Variants in THSD7B observed in about 807,000 individuals in gnomAD.
THSD7B encodes thrombospondin type-1 domain-containing protein 7B.
Under a neutral mutation model 213.6 loss-of-function variants are expected in THSD7B, and 138 were observed. The ratio of observed to expected loss-of-function variants is 0.65; its 90% CI spans 0.56 to 0.74. The LOEUF (loss-of-function observed/expected upper bound fraction) is 0.74, where lower values mean the gene tolerates loss of function less well. Among genes scored for constraint, THSD7B ranks in the 30% least tolerant of loss-of-function variants. The pLI is 0.00. For synonymous variants in THSD7B, 742 were observed against 687.0 expected (o/e 1.08, Z -1.25); for missense variants, 1,931 against 1,991.5 (o/e 0.97, Z 0.58).
intron 2 of THSD7B, among the ~76,000 whole-genome samples, chr2:136,946,580 G>A (rs1207989904): frequency 1.3e-5 from 2 of 152,222 alleles, no homozygotes; most frequent in Admixed American, 6.5e-5. Context: ...GCTATGCCCT[G>A]CCGCAAGAGG....
chr2:136,945,874 A>G (rs1573726335), intron 2 of THSD7B, among the ~76,000 whole-genome samples: 1 of 152,098 alleles, frequency 6.6e-6, no homozygotes, highest in Middle Eastern at 3.4e-3. Flanking sequence ...CATTTGTCTA[A>G]TCTTTTTAGT....
At chr2:137,650,278 C>T (rs569054927) in intron 21 of THSD7B, among the ~76,000 whole-genome samples, 1 of 152,108 alleles carries the variant, frequency 6.6e-6, no homozygotes, top group South Asian at 2.1e-4. Context: ...TATGCTTTTC[C>T]TTGTATAGCT....
At chr2:137,429,024 G>T (rs1687117478) in intron 14 of THSD7B, among the ~76,000 whole-genome samples, 1 of 152,152 alleles carries the variant, frequency 6.6e-6, no homozygotes, top group African/African-American at 2.4e-5. Flanking sequence ...ATTGATCTTG[G>T]ATTTCCCAGT....
At chr2:136,977,805 T>TTTTGTTTTG (rs1372514831) in intron 2 of THSD7B, among the ~76,000 whole-genome samples, 5 of 49,738 alleles carry the variant, frequency 1.0e-4, no homozygotes, top group South Asian at 1.1e-3. Flanking sequence ...TTCTTTGTTT[T>TTTTGTTTTG]TTTTTTTTTT....
At chr2:137,171,805 C>T (rs539203512) in intron 7 of THSD7B, among the ~76,000 whole-genome samples, 1 of 152,088 alleles carries the variant, frequency 6.6e-6, no homozygotes, top group South Asian at 2.1e-4. Flanking sequence ...CTTTTCATTC[C>T]TTTTTTTCTC....
intron 14 of THSD7B, among the ~76,000 whole-genome samples, chr2:137,422,575 A>G (rs1262222248): frequency 6.6e-6 from 1 of 152,132 alleles, no homozygotes; most frequent in Non-Finnish European, 1.5e-5. Context: ...TACTTTTAAA[A>G]AAATCAATGG....
chr2:137,232,819 C>G, intron 8 of THSD7B, 80 bp from the exon 9 acceptor site: 2 of 1,341,330 alleles, frequency 1.5e-6, no homozygotes, highest in Non-Finnish European at 2.1e-6. Flanking sequence ...AGCTGTCTCT[C>G]TAGACCATTA....
chr2:137,144,230 C>G (rs1366399676), intron 5 of THSD7B, among the ~76,000 whole-genome samples: 2 of 152,056 alleles, frequency 1.3e-5, no homozygotes, highest in Non-Finnish European at 2.9e-5. Context: ...GTAAGGTGAA[C>G]TTTTCTAGAC....
At chr2:136,856,352 G>T (rs1683181010) in intron 1 of THSD7B, among the ~76,000 whole-genome samples, 1 of 152,100 alleles carries the variant, frequency 6.6e-6, no homozygotes, top group African/African-American at 2.4e-5. Context: ...GCCAGTGCTT[G>T]TTTGTTATGT....
At chr2:137,093,488 C>T (rs768696148) in intron 3 of THSD7B, among the ~76,000 whole-genome samples, 1 of 152,198 alleles carries the variant, frequency 6.6e-6, no homozygotes, top group South Asian at 2.1e-4. Context: ...ACAATTGGCT[C>T]CTGTGAGCAG....
chr2:137,249,085 C>T (rs16838442), intron 10 of THSD7B, among the ~76,000 whole-genome samples: 9,158 of 151,974 alleles, frequency 0.06, 549 homozygotes, highest in East Asian at 0.33. Flanking sequence ...GTAGGAGGAA[C>T]GACAAACACT....
chr2:136,831,889 G>A (rs1682762555), intron 1 of THSD7B, among the ~76,000 whole-genome samples: 1 of 152,228 alleles, frequency 6.6e-6, no homozygotes, highest in Non-Finnish European at 1.5e-5. Context: ...TTCTGTATGG[G>A]CCTTTTCTAT....
intron 17 of THSD7B, among the ~76,000 whole-genome samples, chr2:137,593,877 T>C (rs138818032): frequency 1.8e-4 from 28 of 152,010 alleles, no homozygotes; most frequent in African/African-American, 5.8e-4. Context: ...TTTTCATCTT[T>C]TCTTCTAAAA....
chr2:137,006,723 A>G (rs1466267288), intron 2 of THSD7B, among the ~76,000 whole-genome samples: 3 of 152,212 alleles, frequency 2.0e-5, no homozygotes, highest in Admixed American at 1.3e-4. Context: ...AATATTGTAT[A>G]TCTCATTTCC....
intron 2 of THSD7B, among the ~76,000 whole-genome samples, chr2:136,932,955 C>T (rs1053046010): frequency 2.1e-4 from 32 of 151,940 alleles, no homozygotes; most frequent in Admixed American, 1.6e-3. Context: ...GCAGTAGGGT[C>T]GACTTGGTGC....
At chr2:137,477,708 G>C (rs1222868808) in intron 15 of THSD7B, among the ~76,000 whole-genome samples, 1 of 151,758 alleles carries the variant, frequency 6.6e-6, no homozygotes, top group Non-Finnish European at 1.5e-5. Context: ...TACACAAATT[G>C]TACATGCCAT....
intron 12 of THSD7B, among the ~76,000 whole-genome samples, chr2:137,282,148 T>G (rs1230765881): frequency 6.6e-6 from 1 of 152,100 alleles, no homozygotes; most frequent in Non-Finnish European, 1.5e-5. Flanking sequence ...ATTTCTCTGA[T>G]GGCCAGTGAT....
chr2:136,779,244 T>C (rs1001305371), intron 1 of THSD7B, among the ~76,000 whole-genome samples: 2 of 142,158 alleles, frequency 1.4e-5, no homozygotes, highest in Admixed American at 1.4e-4. Context: ...GTGTGTGTAT[T>C]CTTTTTTAAT....
At chr2:137,181,133 C>G (rs1357100125) in intron 7 of THSD7B, among the ~76,000 whole-genome samples, 4 of 152,176 alleles carry the variant, frequency 2.6e-5, no homozygotes, top group Non-Finnish European at 1.5e-5. Context: ...CACATTCAGA[C>G]AGCTAAGCAG....
Sources: gnomAD v4.1 joint callset for allele counts (sites outside exome capture counted in the v4.1 genomes callset) on GRCh38, gnomAD v4.1.1 for gene constraint, MANE v1.5 for transcripts, NCBI Gene and HGNC (gene_info 2026-07-23, HGNC 2026-07-21) for gene names.